Variants in DLG2 observed in about 807,000 individuals in gnomAD.
DLG2 encodes the protein discs large MAGUK scaffold protein 2, also known as disks large homolog 2.
In DLG2, 45 loss-of-function variants were observed where a neutral mutation model predicts 132.5. The ratio of observed to expected loss-of-function variants is 0.34; its 90% CI spans 0.27 to 0.44. DLG2 has a LOEUF of 0.44. DLG2 is among the 20% of genes least tolerant of loss of function. The pLI, the probability that DLG2 is intolerant of heterozygous loss-of-function variation, is 1.00. For missense variants in DLG2, 1,045 were observed against 1,196.9 expected, an observed-to-expected ratio of 0.87 and a Z score of 1.87; for synonymous variants, 424 against 419.6, an observed-to-expected ratio of 1.01 and a Z score of -0.13.
At chr11:84,563,581 C>A (rs762864258) in intron 6 of DLG2, among the ~76,000 whole-genome samples, 1 of 152,146 alleles carries the variant, frequency 6.6e-6, no homozygotes, top group South Asian at 2.1e-4. Flanking sequence ...GGCACAGCTG[C>A]CAGGTGAGGT....
chr11:85,189,023 A>G (rs2080328762), intron 4 of DLG2, among the ~76,000 whole-genome samples: 2 of 152,166 alleles, frequency 1.3e-5, no homozygotes, highest in South Asian at 4.1e-4. Context: ...ATGCAAAGCA[A>G]TATCCATCTA....
chr11:83,711,304 A>G (rs534771916), intron 18 of DLG2, among the ~76,000 whole-genome samples: 48 of 152,316 alleles, frequency 3.2e-4, no homozygotes, highest in Non-Finnish European at 4.7e-4. Flanking sequence ...TAGAGGCACT[A>G]CACTGCTGAA....
At chr11:84,079,374 C>G (rs1219764654) in intron 10 of DLG2, among the ~76,000 whole-genome samples, 3 of 151,898 alleles carry the variant, frequency 2.0e-5, no homozygotes, top group Admixed American at 2.0e-4. Context: ...ACCTCTGCCT[C>G]CTGGGTTCCA....
intron 6 of DLG2, among the ~76,000 whole-genome samples, chr11:84,570,613 T>A (rs915602597): frequency 1.3e-5 from 2 of 152,182 alleles, no homozygotes; most frequent in African/African-American, 4.8e-5. Context: ...TCACTGATTT[T>A]GCCTTCCACT....
rs939507029 is a variant in DLG2, at chr11:84,769,051, A to C, written c.358-234320T>G. ...TGCCAGTGTCTTCAGATGAGTAGGA[A>C]TCAGTGCAAATTTTCTGACACTATG... On this transcript the variant is annotated intron_variant, in intron 6 of 27. Coordinates refer to ENST00000376104, the MANE Select transcript of DLG2 (RefSeq NM_001142699.3). 2.0e-5 allele frequency among the ~76,000 whole-genome samples: 3 copies of C among 152,184 alleles called. No individual in the cohort carries two copies. The South Asian group carries it at 6.2e-4, about 31-fold the overall frequency.
intron 8 of DLG2, among the ~76,000 whole-genome samples, chr11:84,210,112 A>G (rs10751108): frequency 0.81 from 122,964 of 151,440 alleles, 50,643 homozygotes; most frequent in Middle Eastern, 0.92. Context: ...GTGAAACCCT[A>G]TCTCTACTAA....
At chr11:83,958,580 T>C (rs1313313235) in intron 14 of DLG2, among the ~76,000 whole-genome samples, 1 of 152,164 alleles carries the variant, frequency 6.6e-6, no homozygotes, top group African/African-American at 2.4e-5. Flanking sequence ...TCCCTACATC[T>C]TGAAAGAGTA....
intron 4 of DLG2, among the ~76,000 whole-genome samples, chr11:85,191,149 C>T (rs755274450): frequency 5.5e-4 from 70 of 126,784 alleles, no homozygotes; most frequent in Non-Finnish European, 8.6e-4. Context: ...TGCATGCGCG[C>T]GCGCGCACGC....
At chr11:84,889,675 AATT>A (rs2088987433) in intron 6 of DLG2, among the ~76,000 whole-genome samples, 2 of 152,192 alleles carry the variant, frequency 1.3e-5, no homozygotes, top group Admixed American at 6.5e-5. Context: ...ATTCAGAGAT[AATT>A]ATTATCGCTT....
chr11:84,936,184 G>A (rs1048242498), intron 6 of DLG2, among the ~76,000 whole-genome samples: 1 of 152,106 alleles, frequency 6.6e-6, no homozygotes, highest in Non-Finnish European at 1.5e-5. Context: ...CCTAGCTTTG[G>A]CATTAACTAG....
intron 8 of DLG2, among the ~76,000 whole-genome samples, chr11:84,237,929 C>A (rs1437858207): frequency 6.6e-6 from 1 of 150,906 alleles, no homozygotes; most frequent in Non-Finnish European, 1.5e-5. Flanking sequence ...GTAATCCCAG[C>A]TACTCAGGAG....
intron 17 of DLG2, among the ~76,000 whole-genome samples, chr11:83,811,658 A>T (rs1454821541): frequency 6.6e-6 from 1 of 152,144 alleles, no homozygotes; most frequent in Non-Finnish European, 1.5e-5. Flanking sequence ...AGGAAGTTTA[A>T]ATTTGAGTTA....
At chr11:83,581,751 A>G (rs1476196981) in intron 19 of DLG2, among the ~76,000 whole-genome samples, 2 of 152,106 alleles carry the variant, frequency 1.3e-5, no homozygotes, top group African/African-American at 4.8e-5. Flanking sequence ...CATTAATCAG[A>G]GCTAAAGGAG....
intron 22 of DLG2, among the ~76,000 whole-genome samples, chr11:83,477,105 AATT>A (rs1260375661): frequency 1.3e-5 from 2 of 152,222 alleles, no homozygotes; most frequent in East Asian, 3.9e-4. Flanking sequence ...TTGGAAGGAT[AATT>A]ATCAGCTTGC....
chr11:85,111,820 T>A, intron 5 of DLG2, 85 bp from the exon 6 acceptor site: 1 of 1,013,106 alleles, frequency 9.9e-7, no homozygotes, highest in Non-Finnish European at 1.5e-6. Context: ...ATTATCAATA[T>A]GTTTATTACC....
intron 6 of DLG2, among the ~76,000 whole-genome samples, chr11:84,992,615 C>A (rs1259174013): frequency 6.6e-6 from 1 of 151,916 alleles, no homozygotes. Flanking sequence ...TATCTCACTG[C>A]GGTTTTGATT....
intron 7 of DLG2, among the ~76,000 whole-genome samples, chr11:84,255,358 C>G (rs1371924122): frequency 5.3e-5 from 8 of 152,164 alleles, no homozygotes; most frequent in Non-Finnish European, 1.0e-4. Flanking sequence ...GGGTCTCGCT[C>G]TATCACCCAG....
intron 3 of DLG2, among the ~76,000 whole-genome samples, chr11:85,487,138 TA>T (rs1299868390): frequency 4.9e-4 from 74 of 151,220 alleles, no homozygotes; most frequent in Non-Finnish European, 1.6e-4. Context: ...ACAAGATATA[TA>T]TATATCTTGT....
chr11:83,754,834 C>T (rs1209313682), intron 18 of DLG2, among the ~76,000 whole-genome samples: 1 of 151,160 alleles, frequency 6.6e-6, no homozygotes, highest in Non-Finnish European at 1.5e-5. Context: ...AAAGATATGG[C>T]CCAGGATGAA....
Sources: allele counts gnomAD v4.1 joint callset (sites outside exome capture counted in the v4.1 genomes callset), GRCh38; gene constraint gnomAD v4.1.1; transcripts MANE v1.5; gene names NCBI Gene and HGNC (gene_info 2026-07-23, HGNC 2026-07-21).